The following BICC1 variants were observed in gnomAD, a reference collection of about 807,000 sequenced individuals.
BICC1 encodes BicC family RNA binding protein 1.
A neutral mutation model predicts 111.0 loss-of-function variants in BICC1; 43 were observed. The observed-to-expected ratio is 0.39, with a 90% CI of 0.30 to 0.50. The LOEUF (loss-of-function observed/expected upper bound fraction) is 0.50. Among genes scored for constraint, BICC1 ranks in the 20% least tolerant of loss-of-function variants. BICC1 has a pLI of 0.88. For missense variants in BICC1, 1,091 were observed against 1,203.2 expected, an observed-to-expected ratio of 0.91 and a Z score of 1.38; for synonymous variants, 467 against 434.4, an observed-to-expected ratio of 1.07 and a Z score of -0.93.
intron 1 of BICC1, among the ~76,000 whole-genome samples, chr10:58,597,170 G>A (rs2132058785): frequency 6.6e-6 from 1 of 152,240 alleles, no homozygotes; most frequent in Admixed American, 6.5e-5. Flanking sequence ...TTACAGCTGG[G>A]CCGCCAGGGG....
At chr10:58,620,339 GT>G (rs1003200975) in intron 1 of BICC1, among the ~76,000 whole-genome samples, 5 of 151,252 alleles carry the variant, frequency 3.3e-5, no homozygotes, top group Admixed American at 3.3e-4. Flanking sequence ...TAATTCTCAT[GT>G]TTTTTTTTCT....
At chr10:58,679,786 A>T (rs1839458914) in intron 2 of BICC1, among the ~76,000 whole-genome samples, 1 of 152,200 alleles carries the variant, frequency 6.6e-6, no homozygotes, top group South Asian at 2.1e-4. Context: ...AAAAATCCTC[A>T]ATAAAATACT....
At position 58,806,664 on chromosome 10, in the gene BICC1, G is replaced by A. The variant is rs1197511490; in HGVS notation, c.2221+41G>A. ...ATAACTTACACTTGACTATATTTTA[G>A]TACACTCATAAATGTTTTTTGAGTA... On this transcript the variant is annotated intron_variant, in intron 16 of 20. Transcript: ENST00000373886. 4.0e-6 allele frequency: 6 copies of A among 1,504,088 alleles called. No homozygotes were observed. The African/African-American group carries it at 4.1e-5, about 10-fold the overall frequency. The allele number at this position is 1,504,088 out of a possible 1,614,324, so 93.2% of individuals were successfully genotyped here. A position where few individuals can be genotyped will look rare whatever the true frequency, so the allele number is the denominator to read the frequency against.
chr10:58,719,273 C>T (rs1840860716), intron 3 of BICC1, among the ~76,000 whole-genome samples: 1 of 152,130 alleles, frequency 6.6e-6, no homozygotes, highest in South Asian at 2.1e-4. Context: ...TTTCCAGCAA[C>T]ATTGATTTAT....
chr10:58,702,205 G>C (rs1262879370), intron 3 of BICC1, 62 bp downstream of exon 3: 2 of 1,336,438 alleles, frequency 1.5e-6, no homozygotes, highest in Admixed American at 1.8e-5. Context: ...AATTACTGCA[G>C]GTTTGCTGGG....
intron 4 of BICC1, among the ~76,000 whole-genome samples, chr10:58,786,695 A>C (rs1843019056): frequency 6.6e-6 from 1 of 152,206 alleles, no homozygotes; most frequent in Non-Finnish European, 1.5e-5. Context: ...GTAAAGAATA[A>C]ATTTTTCTAT....
intron 3 of BICC1, among the ~76,000 whole-genome samples, chr10:58,735,356 G>A (rs1211346848): frequency 6.6e-6 from 1 of 152,268 alleles, no homozygotes; most frequent in Non-Finnish European, 1.5e-5. Context: ...CTTCCACTGC[G>A]ACATGCTGCA....
chr10:58,696,873 A>G (rs969883152), intron 2 of BICC1, among the ~76,000 whole-genome samples: 3 of 152,196 alleles, frequency 2.0e-5, no homozygotes, highest in African/African-American at 7.2e-5. Flanking sequence ...GAAAACAGGG[A>G]CAATAGTAAG....
intron 2 of BICC1, among the ~76,000 whole-genome samples, chr10:58,699,041 G>T (rs1010012434): frequency 1.3e-5 from 2 of 152,240 alleles, no homozygotes; most frequent in African/African-American, 4.8e-5. Context: ...GGCCACAAAT[G>T]GTGTTCCAGA....
intron 3 of BICC1, among the ~76,000 whole-genome samples, chr10:58,709,220 C>T (rs1046581178): frequency 4.6e-5 from 7 of 152,186 alleles, no homozygotes; most frequent in Admixed American, 4.6e-4. Flanking sequence ...CCGTCCCACA[C>T]CACACCTTTC....
chr10:58,537,198 C>T (rs1842847940), intron 1 of BICC1, among the ~76,000 whole-genome samples: 1 of 151,764 alleles, frequency 6.6e-6, no homozygotes, highest in East Asian at 1.9e-4. Flanking sequence ...AGGAGGGAAA[C>T]CTCCCTACCT....
intron 1 of BICC1, among the ~76,000 whole-genome samples, chr10:58,567,659 T>C (rs759340218): frequency 6.6e-6 from 1 of 152,112 alleles, no homozygotes; most frequent in Non-Finnish European, 1.5e-5. Flanking sequence ...CTCTGCTGAA[T>C]GCTGTGCCTG....
intron 3 of BICC1, among the ~76,000 whole-genome samples, chr10:58,742,911 C>T (rs1252536279): frequency 1.3e-5 from 2 of 152,124 alleles, no homozygotes; most frequent in Non-Finnish European, 2.9e-5. Context: ...GATTCAGAGC[C>T]ATTGCCCACA....
chr10:58,550,333 A>G (rs748195831), intron 1 of BICC1, among the ~76,000 whole-genome samples: 1 of 152,162 alleles, frequency 6.6e-6, no homozygotes, highest in Non-Finnish European at 1.5e-5. Context: ...TATATTTTAT[A>G]TACAACTTCT....
Position 58,793,611 on chromosome 10 carries a change from G to A in BICC1, c.1175G>A (p.Ser392Asn). 1 of 1,613,564 alleles carries A rather than the reference G, an allele frequency of 6.2e-7. No homozygotes were observed. The highest frequency in any genetic ancestry group is 8.5e-7 in the Non-Finnish European group (1 of 1,179,798). The change falls in exon 9 of 21, where the codon AGC becomes AAC. Residue 392 changes from serine (S) to asparagine (N), a missense_variant. Physicochemically the swap from Ser to Asn is conservative, Grantham distance 46 (BLOSUM62 1). Coordinates refer to ENST00000373886, the MANE Select transcript of BICC1 (RefSeq NM_001080512.3). ...ISIKPKPKQPSKSVIVKSVER... is the reference protein window; with the variant it reads ...ISIKPKPKQPNKSVIVKSVER... ...ATTAAACCAAAGCCCAAACAGCCAA[G>A]CAAGGTTGGTTCAGAGTCTGAATCC...
intron 1 of BICC1, among the ~76,000 whole-genome samples, chr10:58,546,307 G>A (rs1252264736): frequency 6.6e-6 from 1 of 152,110 alleles, no homozygotes; most frequent in Non-Finnish European, 1.5e-5. Flanking sequence ...AGATAGCTAT[G>A]CCTTGTTTAA....
intron 3 of BICC1, among the ~76,000 whole-genome samples, chr10:58,737,727 C>T (rs937447646): frequency 1.3e-5 from 2 of 151,852 alleles, no homozygotes; most frequent in Admixed American, 1.3e-4. Context: ...GGTGCTATTT[C>T]TCCACATCCT....
chr10:58,666,207 AG>A (rs2132306852), intron 2 of BICC1, among the ~76,000 whole-genome samples: 1 of 152,340 alleles, frequency 6.6e-6, no homozygotes, highest in Admixed American at 6.5e-5. Flanking sequence ...TTCAGAAGTG[AG>A]GTGCAGAAAG....
chr10:58,610,772 GTTCACACATT>G (rs906536810), intron 1 of BICC1, among the ~76,000 whole-genome samples: 7 of 151,944 alleles, frequency 4.6e-5, no homozygotes, highest in African/African-American at 1.7e-4. Flanking sequence ...TCTTTTTGCG[GTTCACACATT>G]TTGGAGGGTG....
Sources: gnomAD v4.1 joint callset for allele counts (sites outside exome capture counted in the v4.1 genomes callset) on GRCh38, gnomAD v4.1.1 for gene constraint, MANE v1.5 for transcripts, NCBI Gene and HGNC (gene_info 2026-07-23, HGNC 2026-07-21) for gene names.